Variants in TMEM37 observed in about 807,000 individuals in gnomAD.
TMEM37 encodes the protein transmembrane protein 37, also known as voltage-dependent calcium channel gamma-like subunit.
Under a neutral mutation model 11.0 loss-of-function variants are expected in TMEM37, and 12 were observed. The observed-to-expected ratio is 1.09, with a 90% CI of 0.70 to 1.76. The LOEUF (loss-of-function observed/expected upper bound fraction) is 1.76. Among genes scored for constraint, TMEM37 ranks in the 40% most tolerant of loss-of-function variants. The pLI, the probability that TMEM37 is intolerant of heterozygous loss-of-function variation, is 0.00. For synonymous variants in TMEM37, 127 were observed against 110.5 expected (o/e 1.15, Z -0.94); for missense variants, 203 against 251.2 (o/e 0.81, Z 1.30).
upstream of TMEM37, among the ~76,000 whole-genome samples, chr2:119,431,694 C>A (rs1682397299): frequency 6.8e-6 from 1 of 146,982 alleles, no homozygotes; most frequent in Non-Finnish European, 1.5e-5. Context: ...CCTCCGGCCG[C>A]CCTCGCTGAC....
chr2:119,437,609 G>A lies in TMEM37; in HGVS notation c.*169G>A, dbSNP rs1682529826. On this transcript the variant is annotated 3_prime_UTR_variant, in exon 2 of 2. Transcript: ENST00000306406. ...GGGTGGTCAGCCAGAAATGGCCCGG[G>A]GGCCTCTGCACCTGGTCTGCAGGGC... The A allele has an allele frequency of 3.6e-6, 3 of 841,058 alleles. No individual in the cohort carries two copies. Among genetic ancestry groups the A allele is most frequent in the South Asian group, 3.6e-5 (2 of 55,648 alleles). The allele number at this position is 841,058 out of a possible 1,614,324, so 52.1% of individuals were successfully genotyped here. A position where few individuals can be genotyped will look rare whatever the true frequency, so the allele number is the denominator to read the frequency against.
upstream of TMEM37, chr2:119,430,415 C>A (rs1682371471): frequency 4.2e-6 from 2 of 475,306 alleles, no homozygotes; most frequent in South Asian, 1.5e-5. Flanking sequence ...TAAGTGGAGT[C>A]CCAGCTCTCC....
chr2:119,430,304 A>G (rs918779749), upstream of TMEM37: 46 of 582,936 alleles, frequency 7.9e-5, no homozygotes, highest in Non-Finnish European at 1.4e-4. Context: ...ACTCAGCCAG[A>G]AACTCTGCAG....
At chr2:119,436,829 A>C in intron 1 of TMEM37, 60 bp from the exon 2 acceptor site, 1 of 1,382,786 alleles carries the variant, frequency 7.2e-7, no homozygotes, top group Non-Finnish European at 1.0e-6. Flanking sequence ...TTCCCTGCAG[A>C]GGTTCCTGGG....
intron 1 of TMEM37, chr2:119,432,359 G>A (rs1682418781): frequency 6.3e-6 from 1 of 157,884 alleles, no homozygotes. Flanking sequence ...TGCGTCTCTT[G>A]GGAAGTTAGA....
intron 1 of TMEM37, among the ~76,000 whole-genome samples, chr2:119,435,655 T>C (rs867575870): frequency 1.3e-5 from 2 of 152,114 alleles, no homozygotes; most frequent in South Asian, 4.1e-4. Flanking sequence ...AAACACAGAA[T>C]GTGGTGGTGT....
intron 1 of TMEM37, 74 bp from the exon 2 acceptor site, chr2:119,436,815 G>A: frequency 8.1e-7 from 1 of 1,229,282 alleles, no homozygotes; most frequent in Non-Finnish European, 1.2e-6. Context: ...AGGGCTCAGG[G>A]GTCTTCCCTG....
intron 1 of TMEM37, among the ~76,000 whole-genome samples, chr2:119,436,503 A>G (rs1181613375): frequency 6.6e-6 from 1 of 152,046 alleles, no homozygotes; most frequent in East Asian, 1.9e-4. Context: ...GCCAGGCCGT[A>G]TTCTTGTTTT....
upstream of TMEM37, chr2:119,431,828 A>C (rs4340531): frequency 1.7e-6 from 2 of 1,197,160 alleles, no homozygotes; most frequent in African/African-American, 3.2e-5. Context: ...CCTGCGGAGA[A>C]GTCCCGGGCT....
At chr2:119,431,682 C>A (rs947539710), upstream of TMEM37, among the ~76,000 whole-genome samples, 3 of 152,172 alleles carry the variant, frequency 2.0e-5, no homozygotes, top group African/African-American at 4.8e-5. Flanking sequence ...TCCCCAGGGG[C>A]TCCTCCGGCC....
intron 1 of TMEM37, among the ~76,000 whole-genome samples, chr2:119,436,385 G>C (rs1434693135): frequency 3.9e-5 from 6 of 152,194 alleles, no homozygotes; most frequent in African/African-American, 1.4e-4. Context: ...CGAATCATCA[G>C]GTGGGTGGGG....
At position 119,431,980 on chromosome 2, in the gene TMEM37, G is replaced by T. The variant is rs1573762454; in HGVS notation, c.21+56G>T. 2.8e-5 allele frequency: 32 copies of T among 1,131,608 alleles called. No individual in the cohort carries two copies. In the East Asian group the frequency reaches 1.0e-3, roughly 37 times the overall value. 70.1% of individuals were successfully genotyped at this position (1,131,608 alleles called of 1,614,324 possible). On this transcript the variant is annotated intron_variant, in intron 1 of 1. Transcript: ENST00000306406. ...GGGTGCTGCCCCGCCGTGGGAGGTT[G>T]GGGGTGGGAGGACGGAGGGAGGGGC...
chr2:119,432,604 G>A (rs1222314077), intron 1 of TMEM37, among the ~76,000 whole-genome samples: 1 of 152,160 alleles, frequency 6.6e-6, no homozygotes, highest in Admixed American at 6.5e-5. Flanking sequence ...CTCCCCAAAG[G>A]GAAGTCAGTG....
chr2:119,437,590 T>A lies in TMEM37; in HGVS notation c.*150T>A. 8.8e-7 allele frequency: 1 copy of A among 1,130,756 alleles called. No individual in the cohort carries two copies. The highest frequency in any genetic ancestry group is 1.6e-5 in the South Asian group (1 of 63,330). 70.0% of individuals were successfully genotyped at this position (1,130,756 alleles called of 1,614,324 possible). ...CTGTTTGCCGATAACTTGTGGGTGG[T>A]CAGCCAGAAATGGCCCGGGGGCCTC... On this transcript the variant is annotated 3_prime_UTR_variant, in exon 2 of 2. Transcript: ENST00000306406.
chr2:119,431,796 C>T, upstream of TMEM37: 3 of 940,470 alleles, frequency 3.2e-6, no homozygotes, highest in Non-Finnish European at 4.1e-6. Flanking sequence ...CCGCCCCGCC[C>T]GCCTCCAGCA....
upstream of TMEM37, chr2:119,429,993 T>C (rs1185529609): frequency 1.9e-6 from 3 of 1,549,952 alleles, no homozygotes; most frequent in Admixed American, 3.9e-5. Flanking sequence ...GGTGAGATGC[T>C]ATGATCCAGA....
chr2:119,435,291 G>A (rs17015838), intron 1 of TMEM37, among the ~76,000 whole-genome samples: 2,666 of 152,270 alleles, frequency 0.018, 27 homozygotes, highest in South Asian at 0.053. Flanking sequence ...TCTCCCAGAA[G>A]CAGGGCTTTA....
rs557391745 is a variant in TMEM37 at position 119,438,409 on chromosome 2, G to A, written c.*969G>A. 1 of 152,316 alleles carries A rather than the reference G, an allele frequency of 6.6e-6. No homozygotes were observed. The highest frequency in any genetic ancestry group is 1.5e-5 in the Non-Finnish European group (1 of 68,084). The allele number at this position is 152,316 out of a possible 1,614,324, so 9.4% of individuals were successfully genotyped here. On this transcript the variant is annotated 3_prime_UTR_variant, in exon 2 of 2. Transcript: ENST00000306406. ...GGTAATGATTAACACCCATGCTGGG[G>A]ATGCATGGAGGTGAAGGGGGCCAGG...
chr2:119,431,519 C>T (rs887472812), upstream of TMEM37, among the ~76,000 whole-genome samples: 9 of 152,242 alleles, frequency 5.9e-5, no homozygotes, highest in Admixed American at 2.0e-4. Context: ...AGGAATCGAA[C>T]CCTCAGGCCC....
Sources: gnomAD v4.1 joint callset for allele counts (sites outside exome capture counted in the v4.1 genomes callset) on GRCh38, gnomAD v4.1.1 for gene constraint, MANE v1.5 for transcripts, NCBI Gene and HGNC (gene_info 2026-07-23, HGNC 2026-07-21) for gene names.